Variants in ZNF383 observed in about 807,000 individuals in gnomAD.
ZNF383 encodes the protein zinc finger protein 383.
A neutral mutation model predicts 44.2 loss-of-function variants in ZNF383; 32 were observed. That is an observed-to-expected ratio of 0.72 (90% confidence interval 0.55 to 0.97). The LOEUF (loss-of-function observed/expected upper bound fraction) is 0.97, where lower values mean the gene tolerates loss of function less well. ZNF383 is among the 50% of genes least tolerant of loss of function. ZNF383 has a pLI of 0.00. For synonymous variants in ZNF383, 155 were observed against 186.2 expected (o/e 0.83, Z 1.36); for missense variants, 487 against 562.5 (o/e 0.87, Z 1.36).
chr19:37,238,241 T>C (rs1420472077), intron 5 of ZNF383, among the ~76,000 whole-genome samples: 1 of 151,938 alleles, frequency 6.6e-6, no homozygotes, highest in Admixed American at 6.6e-5. Flanking sequence ...AAGATAAACA[T>C]GAATGTCAAG....
At chr19:37,223,099 C>G (rs951369214) in intron 1 of ZNF383, among the ~76,000 whole-genome samples, 9 of 151,720 alleles carry the variant, frequency 5.9e-5, no homozygotes, top group Non-Finnish European at 1.3e-4. Context: ...GTAGATAAAT[C>G]ACAATCTTAG....
intron 2 of ZNF383, among the ~76,000 whole-genome samples, chr19:37,229,328 A>T (rs896956438): frequency 7.5e-6 from 1 of 132,780 alleles, no homozygotes; most frequent in Non-Finnish European, 1.6e-5. Flanking sequence ...CTAATTTTGT[A>T]TTTTTTTTTT....
chr19:37,241,750 T>TC (rs1267054087), intron 5 of ZNF383, among the ~76,000 whole-genome samples: 2 of 151,936 alleles, frequency 1.3e-5, no homozygotes, highest in Non-Finnish European at 2.9e-5. Flanking sequence ...GTCAGGAAAT[T>TC]CCAAGTGTTT....
chr19:37,237,625 G>A (rs927270197), intron 5 of ZNF383, among the ~76,000 whole-genome samples: 1 of 152,104 alleles, frequency 6.6e-6, no homozygotes, highest in African/African-American at 2.4e-5. Flanking sequence ...ACCTCACATC[G>A]AGTAATTTAT....
At chr19:37,222,643 G>A (rs1018096423) in intron 1 of ZNF383, among the ~76,000 whole-genome samples, 1 of 152,142 alleles carries the variant, frequency 6.6e-6, no homozygotes, top group African/African-American at 2.4e-5. Context: ...CTCCCAAAGT[G>A]GTGGGATTAC....
At chr19:37,223,989 G>A (rs958153236) in intron 1 of ZNF383, among the ~76,000 whole-genome samples, 8 of 151,832 alleles carry the variant, frequency 5.3e-5, no homozygotes, top group Admixed American at 1.3e-4. Flanking sequence ...AGCCAAGATC[G>A]CGCCACTGCA....
chr19:37,226,097 T>C (rs1973156342), intron 2 of ZNF383, among the ~76,000 whole-genome samples: 2 of 152,132 alleles, frequency 1.3e-5, no homozygotes, highest in Non-Finnish European at 2.9e-5. Flanking sequence ...TATAAATACA[T>C]TGCTTGAATC....
In ZNF383 at chr19:37,242,639, A is replaced by C. The variant is rs1207094600; in HGVS notation, c.403A>C (p.Asn135His). 6.2e-7 allele frequency: 1 copy of C among 1,614,132 alleles called. No individual in the cohort carries two copies. Among genetic ancestry groups the C allele is most frequent in the Admixed American group, 1.7e-5 (1 of 60,012 alleles). ...SHLAKQLGYP[N>H]GHFSQEIFTP... ...CCTTGCAAAACAACTGGGATATCCA[A>C]ATGGGCATTTTAGTCAAGAAATATT... The change falls in exon 6 of 6, where the codon AAT becomes CAT. Residue 135 changes from asparagine to histidine, a missense_variant. Asn to His is a moderately conservative substitution (Grantham distance 68, BLOSUM62 1). Coordinates refer to ENST00000684119, the MANE Select transcript of ZNF383 (RefSeq NM_001387601.1).
chr19:37,245,951 C>G lies in ZNF383; in HGVS notation c.*2287C>G, dbSNP rs1305338450. 2.6e-5 allele frequency: 4 copies of G among 152,052 alleles called. No individual in the cohort carries two copies. The highest frequency in any genetic ancestry group is 4.4e-5 in the Non-Finnish European group (3 of 68,046). The allele number at this position is 152,052 out of a possible 1,614,324, so 9.4% of individuals were successfully genotyped here. On this transcript the variant is annotated 3_prime_UTR_variant, in exon 6 of 6. Coordinates refer to ENST00000684119, the MANE Select transcript of ZNF383 (RefSeq NM_001387601.1). ...AGCTGGGACTACAGGCGCGCGCCACCATGCCTAGCTAATTTTTGTATTATT... is the reference window on the plus strand; with the variant it reads ...AGCTGGGACTACAGGCGCGCGCCACGATGCCTAGCTAATTTTTGTATTATT...
chr19:37,221,219 G>T (rs1972903293), intron 1 of ZNF383, among the ~76,000 whole-genome samples: 5 of 152,120 alleles, frequency 3.3e-5, no homozygotes. Context: ...CTAACACATG[G>T]TCATTTGGTA....
intron 1 of ZNF383, 96 bp from the exon 2 acceptor site, chr19:37,224,721 CT>C (rs112040618): frequency 0.029 from 3,837 of 131,260 alleles, 49 homozygotes; most frequent in African/African-American, 0.04. Context: ...GCCCAGCTAG[CT>C]TTTTTTTTTT....
At chr19:37,234,275 A>C (rs1973656924) in intron 3 of ZNF383, among the ~76,000 whole-genome samples, 1 of 152,146 alleles carries the variant, frequency 6.6e-6, no homozygotes, top group African/African-American at 2.4e-5. Context: ...TTCCCCCAAA[A>C]TGTGCCTCAT....
At chr19:37,224,173 A>G (rs1973050528) in intron 1 of ZNF383, among the ~76,000 whole-genome samples, 2 of 152,138 alleles carry the variant, frequency 1.3e-5, no homozygotes, top group South Asian at 4.1e-4. Context: ...CAAATATAAA[A>G]TTTTTAGTTT....
chr19:37,228,169 A>G (rs912312114), intron 2 of ZNF383, among the ~76,000 whole-genome samples: 1 of 152,350 alleles, frequency 6.6e-6, no homozygotes. Flanking sequence ...AGGTCGGCTA[A>G]GTAACAGGTG....
chr19:37,222,149 G>T (rs182477844), intron 1 of ZNF383, among the ~76,000 whole-genome samples: 38 of 151,536 alleles, frequency 2.5e-4, no homozygotes, highest in African/African-American at 8.7e-4. Flanking sequence ...ATTTTGCTTG[G>T]CTTCTTTTTT....
intron 3 of ZNF383, among the ~76,000 whole-genome samples, chr19:37,232,073 G>T (rs1284264002): frequency 6.6e-6 from 1 of 150,640 alleles, no homozygotes; most frequent in African/African-American, 2.4e-5. Flanking sequence ...CCTCAAAAAG[G>T]TTTTTTTGTT....
chr19:37,218,543 T>A (rs905515709), intron 1 of ZNF383, among the ~76,000 whole-genome samples: 2 of 152,126 alleles, frequency 1.3e-5, no homozygotes, highest in African/African-American at 4.8e-5. Context: ...GTGTTGGGAC[T>A]GTGATTGTGT....
chr19:37,241,540 T>C (rs1310066765), intron 5 of ZNF383, among the ~76,000 whole-genome samples: 4 of 152,182 alleles, frequency 2.6e-5, no homozygotes, highest in Non-Finnish European at 5.9e-5. Context: ...CCCAGCATTT[T>C]TATTGAGGTT....
intron 5 of ZNF383, among the ~76,000 whole-genome samples, chr19:37,238,168 C>T (rs537231739): frequency 3.3e-5 from 5 of 152,040 alleles, no homozygotes; most frequent in African/African-American, 9.6e-5. Flanking sequence ...TGGCCCCCAC[C>T]TCTTAATACT....
Sources: gnomAD v4.1 joint callset for allele counts (sites outside exome capture counted in the v4.1 genomes callset) on GRCh38, gnomAD v4.1.1 for gene constraint, MANE v1.5 for transcripts, NCBI Gene and HGNC (gene_info 2026-07-23, HGNC 2026-07-21) for gene names.